EP400: variants seen among roughly 807,000 people sequenced by gnomAD.
EP400 encodes E1A-binding protein p400.
In EP400, 105 loss-of-function variants were observed where a neutral mutation model predicts 354.1. That is an observed-to-expected ratio of 0.30 (90% CI 0.25 to 0.35). The LOEUF (loss-of-function observed/expected upper bound fraction) is 0.35, where lower values mean the gene tolerates loss of function less well. Among genes scored for constraint, EP400 ranks in the 10% least tolerant of loss-of-function variants. The pLI is 1.00. For missense variants in EP400, 3,280 were observed against 4,121.0 expected, an observed-to-expected ratio of 0.80 and a Z score of 5.59; for synonymous variants, 1,646 against 1,716.9, an observed-to-expected ratio of 0.96 and a Z score of 1.02.
At chr12:131,975,846 C>T (rs1892454910) in intron 2 of EP400, among the ~76,000 whole-genome samples, 1 of 152,124 alleles carries the variant, frequency 6.6e-6, no homozygotes, top group Non-Finnish European at 1.5e-5. Context: ...GCATAAGCCA[C>T]TGCGCCTGGT....
At chr12:132,076,284 T>C (rs1251699778) in intron 51 of EP400, 1 of 584,802 alleles carries the variant, frequency 1.7e-6, no homozygotes, top group East Asian at 3.3e-5. Context: ...AGACCAAAAA[T>C]AAGCTTAAAT....
chr12:132,004,927 A>G, intron 12 of EP400, 150 bp from the exon 13 acceptor site: 1 of 694,112 alleles, frequency 1.4e-6, no homozygotes. Flanking sequence ...ATCTTTTTCC[A>G]AGGAGTGATC....
At position 132,018,445 on chromosome 12, in the gene EP400, C is replaced by T. The variant is rs886606342; in HGVS notation, c.4277+69C>T. 2.4e-5 allele frequency: 36 copies of T among 1,527,034 alleles called. No homozygotes were observed. Among genetic ancestry groups the T allele is most frequent in the East Asian group, 9.1e-5 (4 of 44,162 alleles). 94.6% of individuals were successfully genotyped at this position (1,527,034 alleles called of 1,614,324 possible). A position where few individuals can be genotyped will look rare whatever the true frequency, so the allele number is the denominator to read the frequency against. ...CCCCCACAGCTGACCCAGGTCTATG[C>T]GTGGTGAAAAGAAAGGCTGCTAATG... is the stretch of plus-strand genomic sequence containing the variant. On this transcript the variant is annotated intron_variant, in intron 21 of 52. Transcript: ENST00000389561. The surrounding 1 kb of genome is among the most constrained non-coding windows in gnomAD (Gnocchi z 4.0).
chr12:131,983,433 C>T (rs774916219), intron 5 of EP400, among the ~76,000 whole-genome samples: 8 of 152,206 alleles, frequency 5.3e-5, no homozygotes, highest in Non-Finnish European at 1.2e-4. Context: ...TAATTTTACC[C>T]AGTGTGTTTT....
At position 131,990,106 on chromosome 12, in the gene EP400, C is replaced by T. The variant is rs1440583667; in HGVS notation, c.2550+2C>T. The T allele has an allele frequency of 1.9e-6, 3 of 1,599,848 alleles. No homozygotes were observed. The highest frequency in any genetic ancestry group is 2.6e-6 in the Non-Finnish European group (3 of 1,174,950). On this transcript the variant is annotated splice_donor_variant, in intron 8 of 52. Transcript: ENST00000389561. LOFTEE classifies it low-confidence loss of function (GC_TO_GT_DONOR). The surrounding 1 kb of genome is among the most constrained non-coding windows in gnomAD (Gnocchi z 4.2). ...TGCTTTTGGTCGAATATTGAACAGG[C>T]GAGTGCTGCCGTTGTCATGGGGTCG... is the stretch of plus-strand genomic sequence containing the variant.
chr12:131,978,361 G>C (rs776717410), intron 2 of EP400, among the ~76,000 whole-genome samples: 8 of 152,062 alleles, frequency 5.3e-5, no homozygotes, highest in Non-Finnish European at 1.2e-4. Context: ...TAGTTTCACC[G>C]CCCTAGAAAT....
rs1486072073 is a variant in EP400 at position 132,011,620 on chromosome 12, A to C, written c.3427A>C (p.Lys1143Gln). The C allele has an allele frequency of 6.2e-7, 1 of 1,604,578 alleles. No individual in the cohort carries two copies. Among genetic ancestry groups the C allele is most frequent in the Non-Finnish European group, 8.5e-7 (1 of 1,177,530 alleles). Residue 1143 changes from lysine to glutamine, a missense_variant, in exon 16 of 53, where the codon AAA (lysine) becomes CAA (glutamine). Transcript: ENST00000389561. ...LSYIGSHREL[K>Q]AKRQEWAEPN... ...ATATATTGGCAGCCACAGAGAACTCAAAGCAAAGAGACAGGTATTTTTTTT... is the reference window on the plus strand; with the variant it reads ...ATATATTGGCAGCCACAGAGAACTCCAAGCAAAGAGACAGGTATTTTTTTT...
At chr12:131,997,304 T>C (rs1357229815) in intron 12 of EP400, among the ~76,000 whole-genome samples, 1 of 151,570 alleles carries the variant, frequency 6.6e-6, no homozygotes, top group East Asian at 1.9e-4. Flanking sequence ...AGAGTCTCAC[T>C]CTGACACCTA....
Position 132,075,305 on chromosome 12 carries a change from C to T in EP400, c.9022-1211C>T, listed in dbSNP as rs1168605520. ...ACCCTGGAGATCACGGGGTGCGTCT[C>T]CATGTGGCCAGCGATCCCGGGCAGA... On this transcript the variant is annotated intron_variant, in intron 51 of 52. Coordinates refer to ENST00000389561, the MANE Select transcript of EP400 (RefSeq NM_015409.5). The surrounding 1 kb of genome is among the most constrained non-coding windows in gnomAD (Gnocchi z 4.5). Among the ~76,000 whole-genome samples the T allele has an allele frequency of 6.6e-6, 1 of 151,848 alleles. No individual in the cohort carries two copies. The highest frequency in any genetic ancestry group is 6.6e-5 in the Admixed American group (1 of 15,228).
intron 6 of EP400, among the ~76,000 whole-genome samples, chr12:131,987,302 TCA>T (rs1211373442): frequency 6.6e-6 from 1 of 152,242 alleles, no homozygotes; most frequent in Non-Finnish European, 1.5e-5. Context: ...TTTGATTTTA[TCA>T]CAGTGATCAG....
chr12:132,028,011 A>G lies in EP400; in HGVS notation c.5110-6A>G, dbSNP rs1358254690. ...AGTAACTGTTTTTCATCACTTTTTGATAAAGGAGGAAAAGACCAGACTCTT... is the reference window on the plus strand; with the variant it reads ...AGTAACTGTTTTTCATCACTTTTTGGTAAAGGAGGAAAAGACCAGACTCTT... On this transcript the variant is annotated splice_region_variant and splice_polypyrimidine_tract_variant and intron_variant, in intron 26 of 52. Transcript: ENST00000389561. The G allele has an allele frequency of 1.9e-6, 3 of 1,607,138 alleles. No individual in the cohort carries two copies. The highest frequency in any genetic ancestry group is 1.7e-5 in the Admixed American group (1 of 59,614).
chr12:131,962,082 G>A, intron 2 of EP400, 128 bp downstream of exon 2: 1 of 1,238,176 alleles, frequency 8.1e-7, no homozygotes, highest in Non-Finnish European at 1.1e-6. Context: ...GTTGGGGCAA[G>A]GATTTGACCC....
Position 132,062,586 on chromosome 12 carries a change from AG to A in EP400, c.8220del (p.Gln2740HisfsTer37), listed in dbSNP as rs757019863. ...QQQQQQQQQQQQQQQQQQQTT... is the reference protein window; with the variant it reads ...QQQQQQQQQQXQQQQQQQQTT... The stretch of plus-strand genomic sequence containing the variant: ...CAGCAGCAGCAGCAGCAGCAGCAGC[AG>A]CAGCAACAGCAGCAGCAGCAACAGA... On this transcript the variant is annotated frameshift_variant, in exon 47 of 53. Transcript: ENST00000389561. LOFTEE classifies it high-confidence loss of function. The A allele has an allele frequency of 5.2e-5, 84 of 1,600,136 alleles. No homozygotes were observed. Among genetic ancestry groups the A allele is most frequent in the Non-Finnish European group, 6.8e-5 (79 of 1,170,206 alleles).
intron 13 of EP400, 141 bp from the exon 14 acceptor site, chr12:132,005,971 T>C: frequency 2.6e-6 from 2 of 775,132 alleles, no homozygotes; most frequent in Non-Finnish European, 4.0e-6. Flanking sequence ...TTAGATATTT[T>C]GGATTACAAA....
In EP400 at chr12:132,050,078, C is replaced by T. The variant is rs866672521; in HGVS notation, c.7201-245C>T. Among the ~76,000 whole-genome samples the T allele has an allele frequency of 5.9e-5, 9 of 152,156 alleles. No individual in the cohort carries two copies. Among genetic ancestry groups the T allele is most frequent in the Admixed American group, 3.9e-4 (6 of 15,280 alleles). ...CCTCTTGGGGTGATTATGGGGCTTA[C>T]GTGAGAGAACACCTGGAAAGGATTA... On this transcript the variant is annotated intron_variant, in intron 39 of 52. Transcript: ENST00000389561. This position sits in a 1 kb window ranked among gnomAD's most constrained non-coding sequence, Gnocchi z 4.8.
rs1220320024 is a variant in EP400 at position 132,045,717 on chromosome 12, CCTT to C, written c.7027-7_7027-5del. ...TATTCACCTGTTTTACCTGAAATCT[CCTT>C]CTCTAGGCTGTAAAGCAGTTACTGG... On this transcript the variant is annotated splice_region_variant and splice_polypyrimidine_tract_variant and intron_variant, in intron 38 of 52. Transcript: ENST00000389561. 1.2e-6 allele frequency: 2 copies of C among 1,613,870 alleles called. No individual in the cohort carries two copies. The highest frequency in any genetic ancestry group is 4.5e-5 in the East Asian group (2 of 44,892).
At chr12:131,983,350 CAT>C (rs1892746336) in intron 5 of EP400, among the ~76,000 whole-genome samples, 1 of 152,264 alleles carries the variant, frequency 6.6e-6, no homozygotes, top group Non-Finnish European at 1.5e-5. Context: ...GCTTGATACA[CAT>C]GTGTAAGGCG....
chr12:132,059,207 C>A (rs1344251082), intron 45 of EP400, among the ~76,000 whole-genome samples: 1 of 152,048 alleles, frequency 6.6e-6, no homozygotes, highest in East Asian at 1.9e-4. Context: ...AAGGCTGGGC[C>A]AAGGTGGAGA....
chr12:131,961,051 G>A lies in EP400; in HGVS notation c.432G>A (p.Gly144=), dbSNP rs377723377. The stretch of plus-strand genomic sequence containing the variant: ...CCACGCAGCCCAGTCCGGGGCCGGG[G>A]CAGGCCTTGCAGAATGTGCGTGCAG... ...QSPTQPSPGP[G]QALQNVRAGA... is the part of the protein sequence containing the mutation. The change falls in exon 2 of 53, where the codon GGG becomes GGA. Residue 144 remains glycine, a synonymous_variant. Transcript: ENST00000389561. The A allele has an allele frequency of 2.2e-4, 345 of 1,576,612 alleles. 1 individual carries two copies. The highest frequency in any genetic ancestry group is 4.5e-4 in the South Asian group (39 of 87,142).
Sources: allele counts gnomAD v4.1 joint callset (sites outside exome capture counted in the v4.1 genomes callset), GRCh38; gene constraint gnomAD v4.1.1; non-coding constraint Gnocchi (gnomAD v3.1); transcripts MANE v1.5; gene names NCBI Gene and HGNC (gene_info 2026-07-23, HGNC 2026-07-21).